Variants in PHC2 observed in about 807,000 individuals in gnomAD.
PHC2 encodes the protein polyhomeotic homolog 2.
In PHC2, 29 loss-of-function variants were observed where a neutral mutation model predicts 87.4. The ratio of observed to expected loss-of-function variants is 0.33; its 90% CI spans 0.25 to 0.45. PHC2 has a LOEUF of 0.45. Ranked by LOEUF, PHC2 falls within the 20% of genes least tolerant of loss-of-function variation. The pLI is 1.00. For synonymous variants in PHC2, 438 were observed against 461.7 expected (o/e 0.95, Z 0.66); for missense variants, 857 against 1,136.7 (o/e 0.75, Z 3.54).
chr1:33,332,382 A>G lies in PHC2; in HGVS notation c.1784T>C (p.Val595Ala). The stretch of plus-strand genomic sequence containing the variant: ...TGCATACTTCTTCTTGAGATTCCCC[A>G]CCAGCAGGGACGAGCGTCCCACCTA... Reference protein sequence around the residue: ...PFPVGRSSLLVGNLKKKYAQG... With the variant: ...PFPVGRSSLLAGNLKKKYAQG... Residue 595 changes from valine (V) to alanine (A), a missense_variant, in exon 11 of 15, where the codon GTG becomes GCG. This residue lies in a region of PHC2 where 832 missense variants were observed against 1,081.8 expected (regional missense o/e 0.77). Coordinates refer to ENST00000683057, the MANE Select transcript of PHC2 (RefSeq NM_001385109.1). The surrounding 1 kb of genome is among the most constrained non-coding windows in gnomAD (Gnocchi z 4.2). 1 of 1,614,020 alleles carries G rather than the reference A, an allele frequency of 6.2e-7. No individual in the cohort carries two copies. Among genetic ancestry groups the G allele is most frequent in the Non-Finnish European group, 8.5e-7 (1 of 1,179,982 alleles).
Position 33,364,414 on chromosome 1 carries a change from A to ACGCACG in PHC2, c.976+2701_976+2702insCGTGCG, listed in dbSNP as rs893452161. On this transcript the variant is annotated intron_variant, in intron 7 of 14. Coordinates refer to ENST00000683057, the MANE Select transcript of PHC2 (RefSeq NM_001385109.1). The surrounding 1 kb of genome is among the most constrained non-coding windows in gnomAD (Gnocchi z 4.1). ...TTCACACACACACACACACACACAC[A>ACGCACG]CACACACACACGCTCAAGCACGCTC... Among the ~76,000 whole-genome samples, 1 of 105,572 alleles carries ACGCACG rather than the reference A, an allele frequency of 9.5e-6. No individual in the cohort carries two copies. Among genetic ancestry groups the ACGCACG allele is most frequent in the Non-Finnish European group, 2.1e-5 (1 of 47,592 alleles). 69.3% of individuals were successfully genotyped at this position (105,572 alleles called of 152,430 possible).
At position 33,334,204 on chromosome 1, in the gene PHC2, G is replaced by C; in HGVS notation, c.1647C>G (p.Ala549=). 6.2e-7 allele frequency: 1 copy of C among 1,612,962 alleles called. No homozygotes were observed. The highest frequency in any genetic ancestry group is 8.5e-7 in the Non-Finnish European group (1 of 1,179,668). The change falls in exon 10 of 15, where the codon GCC becomes GCG. Residue 549 remains alanine (A), a synonymous_variant. Coordinates refer to ENST00000683057, the MANE Select transcript of PHC2 (RefSeq NM_001385109.1). The surrounding 1 kb of genome is among the most constrained non-coding windows in gnomAD (Gnocchi z 5.5). ...SGNGNSASSI[A]GTAPQNGENK... ...TCTCACCATTCTGGGGGGCAGTGCC[G>C]GCGATGCTGGAGGCAGAGTTTCCGT... is the stretch of plus-strand genomic sequence containing the variant.
chr1:33,378,844 C>T (rs1043627018), intron 1 of PHC2, among the ~76,000 whole-genome samples: 14 of 151,976 alleles, frequency 9.2e-5, no homozygotes, highest in African/African-American at 3.4e-4. Context: ...CCATCACAGA[C>T]ATTCAGTCCT....
intron 9 of PHC2, among the ~76,000 whole-genome samples, chr1:33,351,725 G>A (rs560688555): frequency 1.2e-4 from 18 of 152,226 alleles, no homozygotes; most frequent in Non-Finnish European, 1.6e-4. Flanking sequence ...GCCGAGGCGG[G>A]CAGATCACCT....
rs752879166 is a variant in PHC2 at position 33,375,429 on chromosome 1, A to C, written c.111T>G (p.Ser37Arg). Reference sequence around the variant, plus strand: ...AAATCTGGGGCCCGGTGGGGCGGCCACTTCCACCACTGCTGCTGTTGTTGC... The same window carrying C: ...AAATCTGGGGCCCGGTGGGGCGGCCCCTTCCACCACTGCTGCTGTTGTTGC... Reference protein sequence around the residue: ...SGCNNSSSGGSGRPTGPQISV... With the variant: ...SGCNNSSSGGRGRPTGPQISV... Residue 37 changes from serine (S) to arginine (R), a missense_variant, in exon 2 of 15, where the codon AGT becomes AGG. Physicochemically the swap from Ser to Arg is moderately radical, Grantham distance 110. Coordinates refer to ENST00000683057, the MANE Select transcript of PHC2 (RefSeq NM_001385109.1). The C allele has an allele frequency of 4.3e-6, 7 of 1,612,146 alleles. No individual in the cohort carries two copies. The South Asian group carries it at 7.7e-5, about 18-fold the overall frequency.
intron 9 of PHC2, among the ~76,000 whole-genome samples, chr1:33,352,019 T>C (rs1345320507): frequency 6.6e-6 from 1 of 152,046 alleles, no homozygotes; most frequent in East Asian, 1.9e-4. Flanking sequence ...TGACAGTTGT[T>C]TCCACTGTGT....
chr1:33,422,620 T>C (rs1373598508), intron 1 of PHC2, among the ~76,000 whole-genome samples: 2 of 152,224 alleles, frequency 1.3e-5, no homozygotes, highest in African/African-American at 4.8e-5. Flanking sequence ...TTCCAAACCA[T>C]TTCTAATACT....
At chr1:33,342,105 A>C (rs1646755417) in intron 9 of PHC2, among the ~76,000 whole-genome samples, 1 of 152,120 alleles carries the variant, frequency 6.6e-6, no homozygotes, top group Admixed American at 6.5e-5. Context: ...CAGGAGGGTC[A>C]CTGGCTGCGG....
At chr1:33,387,503 G>A (rs975294553) in intron 1 of PHC2, among the ~76,000 whole-genome samples, 2 of 152,188 alleles carry the variant, frequency 1.3e-5, no homozygotes, top group African/African-American at 4.8e-5. Flanking sequence ...CCATTAGGAG[G>A]CCAGTATTTT....
chr1:33,370,484 C>T lies in PHC2; in HGVS notation c.513G>A (p.Leu171=). ...TCAGGGCTGGGGAAGACGTGTTGCC[C>T]AAGAGCACAGCCTGCTGAGCGATGC... ...ASGIAQQAVL[L]GNTSSPALTA... Residue 171 remains leucine, a synonymous_variant, in exon 5 of 15, where the codon TTG becomes TTA. Coordinates refer to ENST00000683057, the MANE Select transcript of PHC2 (RefSeq NM_001385109.1). 1 of 1,614,142 alleles carries T rather than the reference C, an allele frequency of 6.2e-7. No homozygotes were observed. Among genetic ancestry groups the T allele is most frequent in the Non-Finnish European group, 8.5e-7 (1 of 1,180,018 alleles).
chr1:33,327,186 T>C (rs559829695), intron 14 of PHC2, among the ~76,000 whole-genome samples: 1 of 152,168 alleles, frequency 6.6e-6, no homozygotes, highest in African/African-American at 2.4e-5. Flanking sequence ...GCTCCCTGTT[T>C]CTCCCTTTTT....
intron 13 of PHC2, among the ~76,000 whole-genome samples, chr1:33,329,869 AG>A (rs1646451903): frequency 6.6e-6 from 1 of 152,230 alleles, no homozygotes; most frequent in Non-Finnish European, 1.5e-5. Context: ...GGAAGGGGGC[AG>A]GGAACCTTGT....
At chr1:33,325,701 G>T in intron 14 of PHC2, 1 of 348,568 alleles carries the variant, frequency 2.9e-6, no homozygotes, top group Non-Finnish European at 5.8e-6. Flanking sequence ...TGACCCACAT[G>T]GCCCTTGAGA....
intron 10 of PHC2, chr1:33,333,245 C>T (rs1363136022): frequency 2.0e-5 from 3 of 152,270 alleles, no homozygotes; most frequent in Admixed American, 2.0e-4. Flanking sequence ...TGGCATTTTA[C>T]AGGAGCAGTT....
At position 33,368,540 on chromosome 1, in the gene PHC2, G is replaced by A; in HGVS notation, c.659C>T (p.Ala220Val). 1 of 1,518,452 alleles carries A rather than the reference G, an allele frequency of 6.6e-7. No homozygotes were observed. The highest frequency in any genetic ancestry group is 8.9e-7 in the Non-Finnish European group (1 of 1,122,488). 94.1% of individuals were successfully genotyped at this position (1,518,452 alleles called of 1,614,324 possible). The stretch of plus-strand genomic sequence containing the variant: ...CCACAAGCATGGAGTCCTCACCTGG[G>A]CGGGGGTGGGGGGCCGGGCGGGGGA... The part of the protein sequence containing the change: ...TGSPARPPTP[A>V]QVQNLTLRTQ... Residue 220 changes from alanine (A) to valine (V), a missense_variant, in exon 6 of 15, where the codon GCC (alanine) becomes GTC (valine). By Grantham distance (64) the Ala-to-Val change is moderately conservative. Around this residue, in one of 3 missense-constraint regions of PHC2, gnomAD observed 832 missense variants for 1,081.8 expected, o/e 0.77. Transcript: ENST00000683057. This position sits in a 1 kb window ranked among gnomAD's most constrained non-coding sequence, Gnocchi z 6.6.
chr1:33,405,751 C>G (rs983599569), intron 1 of PHC2, among the ~76,000 whole-genome samples: 15 of 152,114 alleles, frequency 9.9e-5, no homozygotes, highest in Non-Finnish European at 2.1e-4. Flanking sequence ...CTAATTTCCA[C>G]TGTGATGGAT....
chr1:33,384,891 A>C (rs1167780511), intron 1 of PHC2, among the ~76,000 whole-genome samples: 1 of 152,224 alleles, frequency 6.6e-6, no homozygotes, highest in Admixed American at 6.5e-5. Flanking sequence ...GGAATGAATA[A>C]AGCTTGAAGC....
chr1:33,370,394 G>A, intron 5 of PHC2, 27 bp downstream of exon 5: 1 of 1,590,726 alleles, frequency 6.3e-7, no homozygotes, highest in Non-Finnish European at 8.6e-7. Flanking sequence ...GTGCCTCTGA[G>A]CCATGGCCCT....
chr1:33,398,449 G>A (rs372647102), intron 1 of PHC2, among the ~76,000 whole-genome samples: 1 of 152,318 alleles, frequency 6.6e-6, no homozygotes, highest in South Asian at 2.1e-4. Context: ...GTATAGCTTA[G>A]CTGGGAGGAT....
Sources: gnomAD v4.1 joint callset for allele counts (sites outside exome capture counted in the v4.1 genomes callset) on GRCh38, gnomAD v4.1.1 for gene constraint, gnomAD v4.1.1 regional missense constraint, Gnocchi (gnomAD v3.1) non-coding constraint, MANE v1.5 for transcripts, NCBI Gene and HGNC (gene_info 2026-07-23, HGNC 2026-07-21) for gene names.